PODN: variants seen among roughly 807,000 people sequenced by gnomAD.
PODN encodes podocan proteoglycan.
PODN carries 40 observed loss-of-function variants against 52.7 expected under a neutral mutation model. The ratio of observed to expected loss-of-function variants is 0.76; its 90% CI spans 0.59 to 0.99. PODN has a LOEUF of 0.99. Ranked by LOEUF, PODN falls within the 50% of genes least tolerant of loss-of-function variation. PODN has a pLI of 0.00. For missense variants in PODN, 720 were observed against 815.1 expected, an observed-to-expected ratio of 0.88 and a Z score of 1.42; for synonymous variants, 396 against 377.9, an observed-to-expected ratio of 1.05 and a Z score of -0.56.
At chr1:53,077,837 CG>C in intron 7 of PODN, 37 bp downstream of exon 7, 1 of 1,575,256 alleles carries the variant, frequency 6.3e-7, no homozygotes, top group Non-Finnish European at 8.7e-7. Context: ...GGCGTGACCA[CG>C]GGGCCCGGGA....
intron 3 of PODN, chr1:53,073,512 CT>C (rs1353232765): frequency 1.3e-5 from 2 of 152,202 alleles, no homozygotes; most frequent in African/African-American, 4.8e-5. Context: ...AGGAGAGAGG[CT>C]TCAGAGAAGC....
chr1:53,071,135 T>G, intron 2 of PODN: 1 of 158,658 alleles, frequency 6.3e-6, no homozygotes. Context: ...CAGCTTTCCA[T>G]TCATTCTAAG....
intron 3 of PODN, among the ~76,000 whole-genome samples, chr1:53,073,961 T>G (rs1644156680): frequency 6.6e-6 from 1 of 152,264 alleles, no homozygotes; most frequent in Non-Finnish European, 1.5e-5. Context: ...TCTCTCGTGT[T>G]GCTAAAGCCT....
At chr1:53,062,882 C>T (rs1361920843) in intron 1 of PODN, among the ~76,000 whole-genome samples, 5 of 152,356 alleles carry the variant, frequency 3.3e-5, no homozygotes, top group Admixed American at 6.5e-5. Context: ...CACTGTGCCG[C>T]CCCAGCTTAG....
At chr1:53,067,312 T>C (rs76248987) in intron 1 of PODN, among the ~76,000 whole-genome samples, 6,008 of 152,010 alleles carry the variant, frequency 0.04, 217 homozygotes, top group East Asian at 0.2. Context: ...CTCTAGGGCC[T>C]CCTACTCCTT....
At chr1:53,067,088 T>TCAGGGG (rs1644044844) in intron 1 of PODN, among the ~76,000 whole-genome samples, 1 of 152,126 alleles carries the variant, frequency 6.6e-6, no homozygotes, top group Non-Finnish European at 1.5e-5. Context: ...TGATGTTGGG[T>TCAGGGG]CAGGGGCAGG....
intron 10 of PODN, among the ~76,000 whole-genome samples, chr1:53,082,454 G>A (rs534929739): frequency 6.6e-6 from 1 of 152,268 alleles, no homozygotes; most frequent in East Asian, 1.9e-4. Flanking sequence ...ATGTGGGTCG[G>A]GGCTCAGGAG....
In PODN at chr1:53,078,630, G is replaced by A. The variant is rs1644234799; in HGVS notation, c.1120G>A (p.Val374Met). 3.1e-6 allele frequency: 5 copies of A among 1,612,888 alleles called. No individual in the cohort carries two copies. In the South Asian group the frequency reaches 3.3e-5, roughly 11 times the overall value. Residue 374 changes from valine (V) to methionine (M), a missense_variant, in exon 8 of 11, where the codon GTG becomes ATG. By Grantham distance (21) the Val-to-Met change is conservative. Transcript: ENST00000312553. ...VHLYNNALER[V>M]PSGLPRRVRT... ...CCTGTACAACAACGCGCTGGAGCGC[G>A]TGCCCAGTGGCCTGCCTCGCCGCGT...
At chr1:53,078,047 A>G (rs1644222585) in intron 7 of PODN, among the ~76,000 whole-genome samples, 1 of 152,238 alleles carries the variant, frequency 6.6e-6, no homozygotes, top group South Asian at 2.1e-4. Flanking sequence ...TCTTGGTGCG[A>G]AATACAGACT....
chr1:53,071,253 G>A, intron 2 of PODN: 1 of 314,612 alleles, frequency 3.2e-6, no homozygotes, highest in Non-Finnish European at 5.8e-6. Flanking sequence ...AGCACGCCTG[G>A]AGGAGATAGC....
At position 53,075,442 on chromosome 1, in the gene PODN, A is replaced by G. The variant is rs78292850; in HGVS notation, c.472-420A>G. ...CATGTCCAGTCCCATTGAGGTCCTC[A>G]GCTCTTACCGCACTGGCCCCCATCC... On this transcript the variant is annotated intron_variant, in intron 4 of 10. Transcript: ENST00000312553. 1.6e-4 allele frequency among the ~76,000 whole-genome samples: 25 copies of G among 152,278 alleles called. No individual in the cohort carries two copies. In the East Asian group the frequency reaches 3.3e-3, roughly 20 times the overall value.
intron 4 of PODN, 148 bp downstream of exon 4, chr1:53,074,818 G>T: frequency 3.4e-6 from 2 of 582,662 alleles, no homozygotes; most frequent in South Asian, 3.2e-5. Flanking sequence ...CGGGGGTGGG[G>T]GAGACACGGA....
chr1:53,071,575 G>A lies in PODN; in HGVS notation c.353G>A (p.Arg118Gln), dbSNP rs774873724. The A allele has an allele frequency of 1.1e-5, 17 of 1,613,906 alleles. No homozygotes were observed. Among genetic ancestry groups the A allele is most frequent in the East Asian group, 2.2e-5 (1 of 44,890 alleles). ...AAGATCTACCCTGAGGAGCTCTCCCGGCTGCACCGGCTGGAGACGCTGAAC... is the reference window on the plus strand; with the variant it reads ...AAGATCTACCCTGAGGAGCTCTCCCAGCTGCACCGGCTGGAGACGCTGAAC... ...LEKIYPEELS[R>Q]LHRLETLNLQ... Residue 118 changes from arginine (R) to glutamine (Q), a missense_variant, in exon 3 of 11, where the codon CGG becomes CAG. Transcript: ENST00000312553.
chr1:53,064,009 G>A (rs574313915), intron 1 of PODN, among the ~76,000 whole-genome samples: 3 of 152,208 alleles, frequency 2.0e-5, no homozygotes, highest in East Asian at 3.9e-4. Context: ...CTCCCACTCC[G>A]TCCACTTGGA....
At position 53,078,855 on chromosome 1, in the gene PODN, C is replaced by T; in HGVS notation, c.1345C>T (p.Leu449=). ...GNRLHTLPPG[L]PRNVHVLKVK... ...CCGGCTGCACACGCTGCCACCTGGG[C>T]TGCCTCGAAATGTCCATGTGCTGAA... Residue 449 remains leucine, a synonymous_variant, in exon 8 of 11, where the codon CTG becomes TTG. Transcript: ENST00000312553. The T allele has an allele frequency of 6.2e-7, 1 of 1,612,766 alleles. No homozygotes were observed. The highest frequency in any genetic ancestry group is 8.5e-7 in the Non-Finnish European group (1 of 1,179,692).
intron 8 of PODN, 103 bp downstream of exon 8, chr1:53,079,125 G>A (rs1644247559): frequency 2.2e-6 from 3 of 1,368,318 alleles, no homozygotes; most frequent in East Asian, 2.5e-5. Context: ...GCTGGGTGGT[G>A]AGGGAGGTTC....
intron 1 of PODN, among the ~76,000 whole-genome samples, chr1:53,066,403 A>G (rs535007844): frequency 6.6e-6 from 1 of 152,368 alleles, no homozygotes; most frequent in South Asian, 2.1e-4. Flanking sequence ...TGTCATTAAT[A>G]TTAATATTAA....
chr1:53,064,122 T>C (rs956271148), intron 1 of PODN, among the ~76,000 whole-genome samples: 2 of 152,164 alleles, frequency 1.3e-5, no homozygotes, highest in Admixed American at 6.5e-5. Context: ...ATTTGCAAAC[T>C]GGGGGAGTCA....
At chr1:53,064,960 G>A (rs931914277) in intron 1 of PODN, among the ~76,000 whole-genome samples, 1 of 152,164 alleles carries the variant, frequency 6.6e-6, no homozygotes, top group Non-Finnish European at 1.5e-5. Flanking sequence ...TTCCTCACCA[G>A]GTGGACTTGA....
Sources: allele counts gnomAD v4.1 joint callset (sites outside exome capture counted in the v4.1 genomes callset), GRCh38; gene constraint gnomAD v4.1.1; transcripts MANE v1.5; gene names NCBI Gene and HGNC (gene_info 2026-07-23, HGNC 2026-07-21).